PRPF8: variants seen among roughly 807,000 people sequenced by gnomAD.
PRPF8 encodes the protein pre-mRNA processing factor 8, also known as pre-mRNA-processing-splicing factor 8.
Under a neutral mutation model 285.9 loss-of-function variants are expected in PRPF8, and 64 were observed. The ratio of observed to expected loss-of-function variants is 0.22; its 90% CI spans 0.18 to 0.28. The LOEUF (loss-of-function observed/expected upper bound fraction) is 0.28. PRPF8 is among the 10% of genes least tolerant of loss of function. The pLI, the probability that PRPF8 is intolerant of heterozygous loss-of-function variation, is 1.00. For synonymous variants in PRPF8, 1,325 were observed against 1,118.2 expected (o/e 1.18, Z -3.69); for missense variants, 1,426 against 3,026.7 (o/e 0.47, Z 12.41).
Position 1,651,557 on chromosome 17 carries a change from T to C in PRPF8, c.6511-4A>G, listed in dbSNP as rs1911067804. 1.2e-6 allele frequency: 2 copies of C among 1,613,824 alleles called. No individual in the cohort carries two copies. The highest frequency in any genetic ancestry group is 1.1e-5 in the South Asian group (1 of 91,086). On this transcript the variant is annotated splice_polypyrimidine_tract_variant and splice_region_variant and intron_variant, in intron 40 of 42. Coordinates refer to ENST00000304992, the MANE Select transcript of PRPF8 (RefSeq NM_006445.4). The surrounding 1 kb of genome is among the most constrained non-coding windows in gnomAD (Gnocchi z 5.1). ...TCCAACCTAAGGGTTCCATCTCCTA[T>C]AGGTAAAGAGGAGTACAGAGCTGAA...
In PRPF8 at chr17:1,673,967, T is replaced by C. The variant is rs548794088; in HGVS notation, c.3300-75A>G. ...GACACCCACAAGTCCTCCAGCTCAA[T>C]AGACGGAGACCCCACCCCATCCTAC... On this transcript the variant is annotated intron_variant, in intron 21 of 42. Coordinates refer to ENST00000304992, the MANE Select transcript of PRPF8 (RefSeq NM_006445.4). The surrounding 1 kb of genome is among the most constrained non-coding windows in gnomAD (Gnocchi z 5.5). 232 of 1,552,714 alleles carry C rather than the reference T, an allele frequency of 1.5e-4. No homozygotes were observed. The highest frequency in any genetic ancestry group is 4.7e-4 in the African/African-American group (35 of 73,932).
chr17:1,683,613 T>G lies in PRPF8; in HGVS notation c.189A>C (p.Pro63=). The change falls in exon 3 of 43, where the codon CCA becomes CCC. Residue 63 remains proline (P), a synonymous_variant. Transcript: ENST00000304992. ...CTCGAATGATCTTCCTGACATGTTC[T>G]GGGGGCATGTCTTCCTTCTGGGCAT... ...FVDAQKEDMP[P]EHVRKIIRDH... is the part of the protein sequence containing the mutation. 1 of 1,614,198 alleles carries G rather than the reference T, an allele frequency of 6.2e-7. No homozygotes were observed. Among genetic ancestry groups the G allele is most frequent in the Non-Finnish European group, 8.5e-7 (1 of 1,180,026 alleles).
chr17:1,665,470 G>A (rs371180573), intron 24 of PRPF8, among the ~76,000 whole-genome samples: 138 of 151,926 alleles, frequency 9.1e-4, no homozygotes, highest in African/African-American at 2.9e-3. Flanking sequence ...CCCAGGAGGC[G>A]GAAGTTGCAG....
In PRPF8 at chr17:1,675,691, C is replaced by T. The variant is rs902856213; in HGVS notation, c.2801G>A (p.Arg934His). 7 of 1,613,932 alleles carry T rather than the reference C, an allele frequency of 4.3e-6. No individual in the cohort carries two copies. Among genetic ancestry groups the T allele is most frequent in the East Asian group, 4.5e-5 (2 of 44,888 alleles). Residue 934 changes from arginine (R) to histidine (H), a missense_variant, in exon 19 of 43, where the codon CGC (arginine) becomes CAC (histidine). Arg to His is a conservative substitution (Grantham distance 29). This residue lies in a region of PRPF8 where 70 missense variants were observed against 273.7 expected (regional missense o/e 0.26). Transcript: ENST00000304992. The surrounding 1 kb of genome is among the most constrained non-coding windows in gnomAD (Gnocchi z 6.0). ...QYLWYEADKR[R>H]LFPPWIKPAD... ...AGGCTTAATCCAGGGTGGGAACAGG[C>T]GGCGCTTGTCGGCTTCATACCACAG...
chr17:1,661,799 G>A lies in PRPF8; in HGVS notation c.4023-9C>T. ...CTGTCTGTTTGGACCACCTGTTTGG[G>A]TGTACAACCAAGATTACAGAAAAAA... On this transcript the variant is annotated splice_polypyrimidine_tract_variant and intron_variant, in intron 25 of 42. Coordinates refer to ENST00000304992, the MANE Select transcript of PRPF8 (RefSeq NM_006445.4). This position sits in a 1 kb window ranked among gnomAD's most constrained non-coding sequence, Gnocchi z 7.3. 1 of 1,614,166 alleles carries A rather than the reference G, an allele frequency of 6.2e-7. No homozygotes were observed. Among genetic ancestry groups the A allele is most frequent in the Non-Finnish European group, 8.5e-7 (1 of 1,180,056 alleles).
chr17:1,678,215 T>C (rs1318882363), intron 13 of PRPF8, among the ~76,000 whole-genome samples: 6 of 152,072 alleles, frequency 3.9e-5, no homozygotes, highest in African/African-American at 1.4e-4. Flanking sequence ...CTTGGGAGGC[T>C]GAAGCAGGAG....
chr17:1,661,572 C>G lies in PRPF8; in HGVS notation c.4202+39G>C. The G allele has an allele frequency of 6.2e-7, 1 of 1,611,968 alleles. No individual in the cohort carries two copies. Among genetic ancestry groups the G allele is most frequent in the South Asian group, 1.1e-5 (1 of 91,020 alleles). On this transcript the variant is annotated intron_variant, in intron 26 of 42. Coordinates refer to ENST00000304992, the MANE Select transcript of PRPF8 (RefSeq NM_006445.4). This position sits in a 1 kb window ranked among gnomAD's most constrained non-coding sequence, Gnocchi z 7.3. ...CCACACGGTTCAAAGGCCACCACTG[C>G]CCCTGCCCCAGGGTTGGCATGCCCT...
intron 24 of PRPF8, among the ~76,000 whole-genome samples, chr17:1,666,315 CA>C (rs1911981914): frequency 6.6e-6 from 1 of 151,876 alleles, no homozygotes; most frequent in Non-Finnish European, 1.5e-5. Flanking sequence ...TTTGGGAGCC[CA>C]GGGGGGTGGA....
At position 1,676,756 on chromosome 17, in the gene PRPF8, C is replaced by G. The variant is rs1912620931; in HGVS notation, c.2182-45G>C. ...AATCAAGCCAGGATCCAGCCAGGCACTGTGGCACACATCTGTAGTCCCGGC... is the reference window on the plus strand; with the variant it reads ...AATCAAGCCAGGATCCAGCCAGGCAGTGTGGCACACATCTGTAGTCCCGGC... On this transcript the variant is annotated intron_variant, in intron 15 of 42. Transcript: ENST00000304992. This position sits in a 1 kb window ranked among gnomAD's most constrained non-coding sequence, Gnocchi z 6.3. 4 of 1,600,960 alleles carry G rather than the reference C, an allele frequency of 2.5e-6. No individual in the cohort carries two copies. The highest frequency in any genetic ancestry group is 3.4e-6 in the Non-Finnish European group (4 of 1,171,144).
chr17:1,651,295 G>A lies in PRPF8; in HGVS notation c.6666C>T (p.Ser2222=), dbSNP rs988442173. 9 of 1,614,042 alleles carry A rather than the reference G, an allele frequency of 5.6e-6. 1 individual carries two copies. The highest frequency in any genetic ancestry group is 7.6e-6 in the Non-Finnish European group (9 of 1,180,022). ...TCAGCTTGTAGGCCGTCAGTGTACAGGAGCCTGGCGTGAAGCTGGGGGAGG... is the reference window on the plus strand; with the variant it reads ...TCAGCTTGTAGGCCGTCAGTGTACAAGAGCCTGGCGTGAAGCTGGGGGAGG... ...IIITCSFTPG[S]CTLTAYKLTP... is the part of the protein sequence containing the mutation. The change falls in exon 42 of 43, where the codon TCC becomes TCT. Residue 2222 remains serine, a synonymous_variant. Transcript: ENST00000304992. This position sits in a 1 kb window ranked among gnomAD's most constrained non-coding sequence, Gnocchi z 5.1.
At chr17:1,664,252 C>G (rs191727059) in intron 24 of PRPF8, among the ~76,000 whole-genome samples, 18 of 152,206 alleles carry the variant, frequency 1.2e-4, no homozygotes, top group African/African-American at 4.3e-4. Flanking sequence ...AGGCTGGTCT[C>G]GAACTCCTGT....
In PRPF8 at chr17:1,660,073, T is replaced by C. The variant is rs1320844159; in HGVS notation, c.4786-72A>G. ...TAAAATCAGAGTTTGTACAATAAGA[T>C]AATGAGGCAATAGGAGTCTCATCCT... On this transcript the variant is annotated intron_variant, in intron 30 of 42. Transcript: ENST00000304992. The C allele has an allele frequency of 2.0e-6, 3 of 1,525,164 alleles. No individual in the cohort carries two copies. The South Asian group carries it at 3.4e-5, about 17-fold the overall frequency. 94.5% of individuals were successfully genotyped at this position (1,525,164 alleles called of 1,614,324 possible).
intron 3 of PRPF8, 78 bp from the exon 4 acceptor site, chr17:1,682,371 G>A: frequency 3.3e-6 from 5 of 1,536,922 alleles, no homozygotes; most frequent in Non-Finnish European, 4.5e-6. Flanking sequence ...GAAGCCACAT[G>A]TTCATGTTCC....
chr17:1,679,225 G>C lies in PRPF8; in HGVS notation c.1410-19C>G, dbSNP rs574115002. The C allele has an allele frequency of 1.1e-4, 185 of 1,614,224 alleles. 1 individual carries two copies. In the South Asian group the frequency reaches 1.9e-3, roughly 17 times the overall value. On this transcript the variant is annotated intron_variant, in intron 10 of 42. Transcript: ENST00000304992. The surrounding 1 kb of genome is among the most constrained non-coding windows in gnomAD (Gnocchi z 4.7). ...CAAATACCTGAGGTGGGAACATGGA[G>C]AGTAAGAGTCAGCCTACTGATATCT...
intron 24 of PRPF8, among the ~76,000 whole-genome samples, chr17:1,668,226 T>A (rs1285411726): frequency 2.0e-5 from 3 of 152,090 alleles, no homozygotes; most frequent in African/African-American, 7.2e-5. Flanking sequence ...TCTCAGACAC[T>A]CCTCCACTCC....
chr17:1,655,535 G>A lies in PRPF8; in HGVS notation c.5802C>T (p.Ser1934=). The change falls in exon 37 of 43, where the codon TCC becomes TCT. Residue 1934 remains serine (S), a synonymous_variant. Transcript: ENST00000304992. ...LKTISSYTAF[S]RLILILRALH... ...GGGCACGCAGAATCAGGATGAGACG[G>A]GAGAAGGCCTGGGAAAAGATTTGGA... 6.2e-7 allele frequency: 1 copy of A among 1,613,048 alleles called. No individual in the cohort carries two copies. The highest frequency in any genetic ancestry group is 8.5e-7 in the Non-Finnish European group (1 of 1,179,028).
Position 1,650,921 on chromosome 17 carries a change from G to T in PRPF8, c.6889C>A (p.Gln2297Lys). ...RHDPNMKYEL[Q>K]LANPKEFYHE... is the part of the protein sequence containing the mutation. The stretch of plus-strand genomic sequence containing the variant: ...TAGAACTCTTTGGGGTTCGCCAGCT[G>T]TAGCTCATATTTCATGTTGGGGTCA... Residue 2297 changes from glutamine (Q) to lysine (K), a missense_variant, in exon 43 of 43, where the codon CAG (glutamine) becomes AAG (lysine). Around this residue, in one of 34 missense-constraint regions of PRPF8, gnomAD observed 59 missense variants for 58.6 expected, o/e 1.01. Coordinates refer to ENST00000304992, the MANE Select transcript of PRPF8 (RefSeq NM_006445.4). 6.2e-7 allele frequency: 1 copy of T among 1,614,210 alleles called. No homozygotes were observed. The highest frequency in any genetic ancestry group is 1.1e-5 in the South Asian group (1 of 91,088).
chr17:1,666,022 C>T (rs1911960157), intron 24 of PRPF8, among the ~76,000 whole-genome samples: 1 of 151,004 alleles, frequency 6.6e-6, no homozygotes, highest in South Asian at 2.1e-4. Context: ...AAAATATTAG[C>T]CGGGTGTGGT....
At position 1,675,824 on chromosome 17, in the gene PRPF8, G is replaced by C. The variant is rs758386768; in HGVS notation, c.2680-12C>G. 10 of 1,614,134 alleles carry C rather than the reference G, an allele frequency of 6.2e-6. No homozygotes were observed. Among genetic ancestry groups the C allele is most frequent in the Non-Finnish European group, 8.5e-6 (10 of 1,180,018 alleles). ...AACTCAATGCCCACCTGTGGGACAA[G>C]GAGGCTGGTTCACACCAATCCACCA... On this transcript the variant is annotated splice_polypyrimidine_tract_variant and intron_variant, in intron 18 of 42. Coordinates refer to ENST00000304992, the MANE Select transcript of PRPF8 (RefSeq NM_006445.4). The surrounding 1 kb of genome is among the most constrained non-coding windows in gnomAD (Gnocchi z 6.0).
Sources: allele counts gnomAD v4.1 joint callset (sites outside exome capture counted in the v4.1 genomes callset), GRCh38; gene constraint gnomAD v4.1.1; regional missense constraint gnomAD v4.1.1; non-coding constraint Gnocchi (gnomAD v3.1); transcripts MANE v1.5; gene names NCBI Gene and HGNC (gene_info 2026-07-23, HGNC 2026-07-21).